Variants in TFAP4 observed in about 807,000 individuals in gnomAD.
The protein encoded by TFAP4 is activating enhancer-binding protein 4.
Under a neutral mutation model 40.4 loss-of-function variants are expected in TFAP4, and 7 were observed. The ratio of observed to expected loss-of-function variants is 0.17; its 90% CI spans 0.10 to 0.33. The LOEUF (loss-of-function observed/expected upper bound fraction) is 0.33. Among genes scored for constraint, TFAP4 ranks in the 10% least tolerant of loss-of-function variants. The pLI is 1.00. For missense variants in TFAP4, 374 were observed against 451.1 expected (o/e 0.83, Z 1.55); for synonymous variants, 218 against 181.4 (o/e 1.20, Z -1.62).
Position 4,260,072 on chromosome 16 carries a change from T to C in TFAP4, c.822+18A>G, listed in dbSNP as rs2052931623. The C allele has an allele frequency of 1.2e-6, 2 of 1,604,866 alleles. No individual in the cohort carries two copies. Among genetic ancestry groups the C allele is most frequent in the African/African-American group, 1.3e-5 (1 of 74,244 alleles). ...GAGTATGACCCCCACAAGCTGCCCC[T>C]TTCTCAAGCTCAGGTACCTGCACGA... On this transcript the variant is annotated intron_variant, in intron 6 of 6. Coordinates refer to ENST00000204517, the MANE Select transcript of TFAP4 (RefSeq NM_003223.3).
intron 1 of TFAP4, among the ~76,000 whole-genome samples, chr16:4,270,818 C>A (rs1188254087): frequency 6.6e-6 from 1 of 152,232 alleles, no homozygotes; most frequent in Non-Finnish European, 1.5e-5. Context: ...CCAGTAGGCA[C>A]AGCGGCTCAA....
rs1338358965 is a variant in TFAP4 at position 4,272,773 on chromosome 16, A to T, written c.-27T>A. 6.2e-7 allele frequency: 1 copy of T among 1,606,252 alleles called. No homozygotes were observed. Among genetic ancestry groups the T allele is most frequent in the South Asian group, 1.1e-5 (1 of 90,746 alleles). ...GCGATCGGCCCCCCTCCTCTGCACGAGCCAGGTCCCGCGATCAGCCGGAGA... is the reference window on the plus strand; with the variant it reads ...GCGATCGGCCCCCCTCCTCTGCACGTGCCAGGTCCCGCGATCAGCCGGAGA... On this transcript the variant is annotated 5_prime_UTR_variant, in exon 1 of 7. Coordinates refer to ENST00000204517, the MANE Select transcript of TFAP4 (RefSeq NM_003223.3).
chr16:4,258,273 A>G, intron 6 of TFAP4, 24 bp from the exon 7 acceptor site: 1 of 1,545,330 alleles, frequency 6.5e-7, no homozygotes, highest in Non-Finnish European at 8.8e-7. Flanking sequence ...AACCACTGAG[A>G]AGGCTCGGCC....
chr16:4,269,963 C>T (rs1318796037), intron 1 of TFAP4, among the ~76,000 whole-genome samples: 1 of 152,106 alleles, frequency 6.6e-6, no homozygotes, highest in Non-Finnish European at 1.5e-5. Flanking sequence ...GGCAGATCAC[C>T]TGAGGTCAGG....
chr16:4,265,189 G>A (rs1338247726), intron 1 of TFAP4: 1 of 152,214 alleles, frequency 6.6e-6, no homozygotes. Context: ...GGTTTGGGTA[G>A]GGTCCAGCTG....
chr16:4,271,838 GC>G (rs2053042992), intron 1 of TFAP4, among the ~76,000 whole-genome samples: 1 of 152,230 alleles, frequency 6.6e-6, no homozygotes, highest in South Asian at 2.1e-4. Context: ...GCCCGCGGGG[GC>G]CGAGCTTTGT....
chr16:4,264,919 G>C (rs545103866), intron 1 of TFAP4: 1 of 152,312 alleles, frequency 6.6e-6, no homozygotes, highest in Non-Finnish European at 1.5e-5. Context: ...TCCCCCTCAG[G>C]AGAGATGTGG....
chr16:4,269,397 G>A (rs965503723), intron 1 of TFAP4, among the ~76,000 whole-genome samples: 2 of 150,900 alleles, frequency 1.3e-5, no homozygotes. Flanking sequence ...GGAGGCTGAG[G>A]CAGGAGAATG....
At chr16:4,260,417 C>A (rs372222253) in intron 5 of TFAP4, 38 bp downstream of exon 5, 2 of 1,539,248 alleles carry the variant, frequency 1.3e-6, no homozygotes, top group Non-Finnish European at 1.7e-6. Context: ...GTCCCCTTCC[C>A]GGTCCCCAGA....
intron 3 of TFAP4, 51 bp downstream of exon 3, chr16:4,262,273 T>A (rs755423707): frequency 6.3e-7 from 1 of 1,590,892 alleles, no homozygotes; most frequent in South Asian, 1.1e-5. Context: ...CATGGCTGGG[T>A]CCAAGGCATG....
At chr16:4,269,666 C>A (rs955965969) in intron 1 of TFAP4, among the ~76,000 whole-genome samples, 1 of 151,528 alleles carries the variant, frequency 6.6e-6, no homozygotes, top group Admixed American at 6.6e-5. Flanking sequence ...AAAAATTAGC[C>A]GGCCATGGTG....
chr16:4,260,673 A>G (rs2052940043), intron 4 of TFAP4, 78 bp from the exon 5 acceptor site: 4 of 1,465,484 alleles, frequency 2.7e-6, no homozygotes, highest in Non-Finnish European at 3.6e-6. Flanking sequence ...CAGCTCATTC[A>G]CTCCTGCTGA....
intron 1 of TFAP4, among the ~76,000 whole-genome samples, chr16:4,270,391 G>A (rs1567203354): frequency 6.6e-6 from 1 of 152,176 alleles, no homozygotes; most frequent in African/African-American, 2.4e-5. Flanking sequence ...GTCACTGAGG[G>A]ATGGAGCAAA....
chr16:4,260,716 G>A (rs563598953), intron 4 of TFAP4, 121 bp from the exon 5 acceptor site: 1 of 1,170,662 alleles, frequency 8.5e-7, no homozygotes, highest in African/African-American at 1.6e-5. Flanking sequence ...CCTCTCAACA[G>A]AGGCCAGAAG....
Position 4,262,554 on chromosome 16 carries a change from G to C in TFAP4, c.237C>G (p.Asp79Glu). 6.2e-7 allele frequency: 1 copy of C among 1,612,484 alleles called. No homozygotes were observed. Among genetic ancestry groups the C allele is most frequent in the Non-Finnish European group, 8.5e-7 (1 of 1,180,000 alleles). The change falls in exon 2 of 7, where the codon GAC becomes GAG. Residue 79 changes from aspartate to glutamate, a missense_variant. Asp to Glu is a conservative substitution (Grantham distance 45, BLOSUM62 2). Around this residue, in one of 6 missense-constraint regions of TFAP4, gnomAD observed 51 missense variants for 91.1 expected, o/e 0.56. Transcript: ENST00000204517. ...QSLKTLIPHT[D>E]GEKLSKAAIL... ...CACCCACCTTGCTGAGCTTCTCTCC[G>C]TCTGTGTGGGGGATGAGGGTCTTGA...
At chr16:4,270,268 A>G (rs1180241961) in intron 1 of TFAP4, among the ~76,000 whole-genome samples, 1 of 152,144 alleles carries the variant, frequency 6.6e-6, no homozygotes, top group Admixed American at 6.5e-5. Flanking sequence ...TTTCCCAGAG[A>G]CTGAGAACCA....
intron 1 of TFAP4, among the ~76,000 whole-genome samples, chr16:4,271,550 T>C (rs1018302710): frequency 6.6e-6 from 1 of 152,180 alleles, no homozygotes; most frequent in African/African-American, 2.4e-5. Flanking sequence ...GCGGGGTGGT[T>C]TGGCTGTGTG....
chr16:4,261,411 C>T (rs562208427), intron 4 of TFAP4, among the ~76,000 whole-genome samples: 38 of 151,882 alleles, frequency 2.5e-4, no homozygotes, highest in African/African-American at 8.9e-4. Context: ...TCCCAAACAG[C>T]GGGGACTACA....
intron 1 of TFAP4, chr16:4,266,337 A>C (rs1408193343): frequency 6.6e-6 from 1 of 152,172 alleles, no homozygotes; most frequent in Non-Finnish European, 1.5e-5. Context: ...TGGCTAACCT[A>C]GTGCTTAACT....
Sources: allele counts gnomAD v4.1 joint callset (sites outside exome capture counted in the v4.1 genomes callset), GRCh38; gene constraint gnomAD v4.1.1; regional missense constraint gnomAD v4.1.1; transcripts MANE v1.5; gene names NCBI Gene and HGNC (gene_info 2026-07-23, HGNC 2026-07-21).